ZFPM2: variants seen among roughly 807,000 people sequenced by gnomAD.
ZFPM2 encodes the protein zinc finger protein, FOG family member 2.
Under a neutral mutation model 98.6 loss-of-function variants are expected in ZFPM2, and 20 were observed. The observed-to-expected ratio is 0.20, with a 90% CI of 0.14 to 0.29. The LOEUF is 0.29. Among genes scored for constraint, ZFPM2 ranks in the 10% least tolerant of loss-of-function variants. ZFPM2 has a pLI of 1.00. For missense variants in ZFPM2, 1,310 were observed against 1,388.6 expected, an observed-to-expected ratio of 0.94 and a Z score of 0.90; for synonymous variants, 518 against 502.7, an observed-to-expected ratio of 1.03 and a Z score of -0.41.
At chr8:105,739,230 T>A (rs1457791129) in intron 5 of ZFPM2, among the ~76,000 whole-genome samples, 1 of 152,080 alleles carries the variant, frequency 6.6e-6, no homozygotes, top group East Asian at 1.9e-4. Flanking sequence ...ATACTTTATA[T>A]TTAAGCAAAA....
chr8:105,701,238 C>T (rs1014630301), intron 5 of ZFPM2, among the ~76,000 whole-genome samples: 17 of 152,210 alleles, frequency 1.1e-4, no homozygotes, highest in African/African-American at 4.1e-4. Flanking sequence ...TTAGGATTTT[C>T]TACTTGGAAA....
chr8:105,574,490 T>C (rs1214426666), intron 4 of ZFPM2, among the ~76,000 whole-genome samples: 1 of 152,208 alleles, frequency 6.6e-6, no homozygotes, highest in East Asian at 1.9e-4. Context: ...TGATTCACTT[T>C]TGAGTTAGGT....
intron 5 of ZFPM2, among the ~76,000 whole-genome samples, chr8:105,763,114 G>GT (rs1376014346): frequency 3.0e-5 from 4 of 132,322 alleles, no homozygotes; most frequent in Non-Finnish European, 6.3e-5. Flanking sequence ...AACTCAATCT[G>GT]TGATCTGACA....
chr8:105,689,186 C>T (rs142770665), intron 5 of ZFPM2, among the ~76,000 whole-genome samples: 3 of 152,286 alleles, frequency 2.0e-5, no homozygotes, highest in Middle Eastern at 3.4e-3. Context: ...TCTGTAACCA[C>T]CTCAACCAAG....
chr8:105,567,066 C>G (rs1396422362), intron 4 of ZFPM2, among the ~76,000 whole-genome samples: 1 of 152,262 alleles, frequency 6.6e-6, no homozygotes, highest in East Asian at 1.9e-4. Context: ...AGTTCCTGAT[C>G]TACCTGCTTA....
intron 1 of ZFPM2, among the ~76,000 whole-genome samples, chr8:105,410,905 T>C (rs1013554512): frequency 2.0e-5 from 3 of 151,860 alleles, no homozygotes; most frequent in African/African-American, 7.2e-5. Flanking sequence ...GTGGTAGCAT[T>C]TCTCACTTTG....
intron 3 of ZFPM2, among the ~76,000 whole-genome samples, chr8:105,485,271 G>A (rs533256311): frequency 6.6e-6 from 1 of 152,216 alleles, no homozygotes; most frequent in African/African-American, 2.4e-5. Flanking sequence ...GTTACTGAGA[G>A]GTTACTGGTT....
intron 5 of ZFPM2, among the ~76,000 whole-genome samples, chr8:105,782,906 CAT>C (rs1813292226): frequency 6.6e-6 from 1 of 152,080 alleles, no homozygotes. Flanking sequence ...CCACAGAAAA[CAT>C]GTTTAGATTC....
At chr8:105,361,536 G>C (rs1812861627) in intron 1 of ZFPM2, among the ~76,000 whole-genome samples, 1 of 151,964 alleles carries the variant, frequency 6.6e-6, no homozygotes, top group Admixed American at 6.6e-5. Flanking sequence ...TTTAGACATG[G>C]AGATCTTTAA....
intron 5 of ZFPM2, among the ~76,000 whole-genome samples, chr8:105,698,834 A>G (rs929434543): frequency 1.1e-4 from 17 of 152,196 alleles, no homozygotes; most frequent in East Asian, 3.8e-4. Flanking sequence ...GATTACCTGC[A>G]TACTGATATT....
At chr8:105,763,773 G>A (rs1268288500) in intron 5 of ZFPM2, among the ~76,000 whole-genome samples, 1 of 151,824 alleles carries the variant, frequency 6.6e-6, no homozygotes, top group Non-Finnish European at 1.5e-5. Flanking sequence ...ATTATATGGG[G>A]ATGATTATCT....
At chr8:105,613,995 A>G (rs1652735919) in intron 4 of ZFPM2, among the ~76,000 whole-genome samples, 1 of 152,182 alleles carries the variant, frequency 6.6e-6, no homozygotes, top group Non-Finnish European at 1.5e-5. Flanking sequence ...GGAGACATTA[A>G]TATGAGGTCT....
In ZFPM2 at chr8:105,419,208, C is replaced by A; in HGVS notation, c.105C>A (p.Ile35=). 6.2e-7 allele frequency: 1 copy of A among 1,613,722 alleles called. No individual in the cohort carries two copies. Among genetic ancestry groups the A allele is most frequent in the Non-Finnish European group, 8.5e-7 (1 of 1,179,710 alleles). The part of the protein sequence containing the change: ...EECPSEETDI[I]SKGDFPLEES... ...GTCCATCAGAGGAAACAGACATCAT[C>A]TCCAAAGGAGACTTTCCATTGGAGG... Residue 35 remains isoleucine, a synonymous_variant, in exon 2 of 8, where the codon ATC becomes ATA. Transcript: ENST00000407775.
At chr8:105,800,571 G>A (rs1813970748) in intron 7 of ZFPM2, among the ~76,000 whole-genome samples, 2 of 151,964 alleles carry the variant, frequency 1.3e-5, no homozygotes, top group African/African-American at 2.4e-5. Context: ...GGCCTCTTTA[G>A]AATATAACCT....
At chr8:105,475,973 T>G (rs187371620) in intron 3 of ZFPM2, among the ~76,000 whole-genome samples, 91 of 152,238 alleles carry the variant, frequency 6.0e-4, no homozygotes, top group Middle Eastern at 3.4e-3. Context: ...AGCTGTAGAG[T>G]CAGAATTTTA....
chr8:105,660,733 A>T (rs1368594973), intron 5 of ZFPM2, among the ~76,000 whole-genome samples: 2 of 152,224 alleles, frequency 1.3e-5, no homozygotes, highest in South Asian at 2.1e-4. Context: ...ACATTAAAGT[A>T]TTGTAGGAAC....
intron 1 of ZFPM2, among the ~76,000 whole-genome samples, chr8:105,402,206 A>G (rs1335742308): frequency 1.3e-5 from 2 of 151,902 alleles, no homozygotes; most frequent in Non-Finnish European, 2.9e-5. Flanking sequence ...CTGTTGTTTC[A>G]TTTGGAAGCA....
At chr8:105,662,821 G>A (rs1417636225) in intron 5 of ZFPM2, 2 of 151,940 alleles carry the variant, frequency 1.3e-5, no homozygotes, top group African/African-American at 4.8e-5. Context: ...GTAATCTTTT[G>A]GGGCTGTCCC....
Position 105,761,845 on chromosome 8 carries a change from T to G in ZFPM2, c.533-26873T>G, listed in dbSNP as rs1419870597. ...AAACAATAGTCTCAAAAATAAAAAT[T>G]TTTTTATTCCCCAGCAATAGAGTAG... is the stretch of plus-strand genomic sequence containing the variant. On this transcript the variant is annotated intron_variant, in intron 5 of 7. Coordinates refer to ENST00000407775, the MANE Select transcript of ZFPM2 (RefSeq NM_012082.4). 2.0e-5 allele frequency among the ~76,000 whole-genome samples: 3 copies of G among 151,928 alleles called. No individual in the cohort carries two copies. The East Asian group carries it at 5.8e-4, about 29-fold the overall frequency.
Sources: allele counts gnomAD v4.1 joint callset (sites outside exome capture counted in the v4.1 genomes callset), GRCh38; gene constraint gnomAD v4.1.1; transcripts MANE v1.5; gene names NCBI Gene and HGNC (gene_info 2026-07-23, HGNC 2026-07-21).